RBFOX1: variants seen among roughly 807,000 people sequenced by gnomAD.
RBFOX1 encodes RNA binding fox-1 homolog 1, also known as RNA binding protein fox-1 homolog 1.
RBFOX1 carries 8 observed loss-of-function variants against 57.7 expected under a neutral mutation model. That is an observed-to-expected ratio of 0.14 (90% CI 0.08 to 0.25). The LOEUF (loss-of-function observed/expected upper bound fraction) is 0.25. Among genes scored for constraint, RBFOX1 ranks in the 10% least tolerant of loss-of-function variants. RBFOX1 has a pLI of 1.00. For missense variants in RBFOX1, 611 were observed against 548.5 expected (o/e 1.11, Z -1.14); for synonymous variants, 326 against 222.4 (o/e 1.47, Z -4.15).
At chr16:7,436,322 C>T (rs2149735135) in intron 4 of RBFOX1, among the ~76,000 whole-genome samples, 1 of 152,180 alleles carries the variant, frequency 6.6e-6, no homozygotes, top group East Asian at 1.9e-4. Flanking sequence ...CATTGTATGC[C>T]AAATTACTGT....
intron 2 of RBFOX1, among the ~76,000 whole-genome samples, chr16:5,581,876 G>C (rs1310004048): frequency 6.6e-6 from 1 of 152,198 alleles, no homozygotes; most frequent in African/African-American, 2.4e-5. Context: ...CTGAGAGGTA[G>C]GAAGTGATGC....
At chr16:6,818,478 A>G (rs563896677) in intron 3 of RBFOX1, among the ~76,000 whole-genome samples, 57 of 152,274 alleles carry the variant, frequency 3.7e-4, no homozygotes, top group African/African-American at 1.0e-3. Flanking sequence ...TTTATGAGTG[A>G]GTAAATGCCA....
At chr16:5,546,977 T>C (rs1236194943) in intron 2 of RBFOX1, among the ~76,000 whole-genome samples, 6 of 152,172 alleles carry the variant, frequency 3.9e-5, no homozygotes, top group African/African-American at 1.4e-4. Flanking sequence ...TAGATATACA[T>C]GGCAAATAAT....
intron 2 of RBFOX1, among the ~76,000 whole-genome samples, chr16:5,598,023 G>A (rs2047243567): frequency 6.6e-6 from 1 of 152,148 alleles, no homozygotes; most frequent in African/African-American, 2.4e-5. Context: ...GTGGCTGGGT[G>A]TGGTGGCTCA....
chr16:7,040,550 C>T lies in RBFOX1; in HGVS notation c.-15-11507C>T, dbSNP rs567107723. Among the ~76,000 whole-genome samples the T allele has an allele frequency of 6.4e-4, 96 of 150,912 alleles. No individual in the cohort carries two copies. The South Asian group carries it at 0.019, about 29-fold the overall frequency. ...CCAAGATTAAAAATGAGAAAACCTGCTTCTCTGTCCCTTCTTCTCCACTAT... is the reference window on the plus strand; with the variant it reads ...CCAAGATTAAAAATGAGAAAACCTGTTTCTCTGTCCCTTCTTCTCCACTAT... On this transcript the variant is annotated intron_variant, in intron 3 of 15. Coordinates refer to ENST00000550418, the MANE Select transcript of RBFOX1 (RefSeq NM_018723.4).
At chr16:6,383,809 G>C (rs1178888070) in intron 2 of RBFOX1, among the ~76,000 whole-genome samples, 1 of 151,876 alleles carries the variant, frequency 6.6e-6, no homozygotes, top group East Asian at 1.9e-4. Flanking sequence ...CAACAAACAA[G>C]AAGAGTTCAG....
intron 2 of RBFOX1, among the ~76,000 whole-genome samples, chr16:6,491,867 A>T (rs1262911816): frequency 6.6e-6 from 1 of 152,188 alleles, no homozygotes; most frequent in African/African-American, 2.4e-5. Flanking sequence ...CATTGGTGAA[A>T]AATGAATCTG....
At chr16:7,075,835 T>C (rs541728670) in intron 4 of RBFOX1, among the ~76,000 whole-genome samples, 120 of 151,824 alleles carry the variant, frequency 7.9e-4, no homozygotes, top group Middle Eastern at 3.5e-3. Context: ...CTGCCTCAGC[T>C]TCCCAAAGTG....
intron 3 of RBFOX1, among the ~76,000 whole-genome samples, chr16:6,721,064 A>C (rs1196905316): frequency 6.6e-6 from 1 of 152,180 alleles, no homozygotes; most frequent in African/African-American, 2.4e-5. Context: ...TAAACAGTAG[A>C]ATATTGCCTC....
intron 3 of RBFOX1, among the ~76,000 whole-genome samples, chr16:6,901,269 C>T (rs1433648512): frequency 6.6e-6 from 1 of 152,200 alleles, no homozygotes; most frequent in African/African-American, 2.4e-5. Context: ...GCTTGTTCAT[C>T]TCTTCTGTCT....
At chr16:6,641,574 G>C (rs960935852) in intron 2 of RBFOX1, among the ~76,000 whole-genome samples, 13 of 151,680 alleles carry the variant, frequency 8.6e-5, no homozygotes, top group African/African-American at 3.1e-4. Flanking sequence ...GTCTCTACTA[G>C]AAATACAAAA....
intron 4 of RBFOX1, among the ~76,000 whole-genome samples, chr16:7,103,939 A>T (rs2063131733): frequency 6.6e-6 from 1 of 152,160 alleles, no homozygotes. Context: ...TCCATGGACA[A>T]TTGAAATCTT....
intron 14 of RBFOX1, among the ~76,000 whole-genome samples, chr16:7,692,981 A>G (rs1276192801): frequency 6.6e-6 from 1 of 152,178 alleles, no homozygotes; most frequent in Non-Finnish European, 1.5e-5. Flanking sequence ...CATTTTAAAA[A>G]GTAATCTCTT....
chr16:6,352,680 G>T (rs1335255644), intron 2 of RBFOX1, among the ~76,000 whole-genome samples: 19 of 152,118 alleles, frequency 1.2e-4, no homozygotes, highest in Admixed American at 1.2e-3. Context: ...GCTCAAAAAG[G>T]ATATCCTGCG....
intron 2 of RBFOX1, among the ~76,000 whole-genome samples, chr16:5,579,177 CT>C (rs1939767733): frequency 6.6e-6 from 1 of 152,060 alleles, no homozygotes; most frequent in Non-Finnish European, 1.5e-5. Flanking sequence ...TTGGTCAAGA[CT>C]GGACCTGCTA....
chr16:7,677,132 T>TACACACACACACAC (rs59379802), intron 14 of RBFOX1, among the ~76,000 whole-genome samples: 1,486 of 137,924 alleles, frequency 0.011, 37 homozygotes, highest in African/African-American at 0.013. Context: ...CACATACACA[T>TACACACACACACAC]ACACACACAC....
At chr16:7,441,537 T>G (rs188028829) in intron 4 of RBFOX1, among the ~76,000 whole-genome samples, 208 of 152,040 alleles carry the variant, frequency 1.4e-3, no homozygotes, top group African/African-American at 4.7e-3. Flanking sequence ...TAATATCTTT[T>G]TCACGTCAGG....
intron 4 of RBFOX1, among the ~76,000 whole-genome samples, chr16:7,141,887 T>C (rs903773422): frequency 3.9e-5 from 6 of 152,314 alleles, no homozygotes; most frequent in Non-Finnish European, 2.9e-5. Context: ...GCAGCCATAG[T>C]GACCTTGGAA....
intron 4 of RBFOX1, among the ~76,000 whole-genome samples, chr16:7,378,803 C>A (rs941367785): frequency 6.6e-6 from 1 of 152,158 alleles, no homozygotes; most frequent in African/African-American, 2.4e-5. Flanking sequence ...GCAAAGTCAG[C>A]CTGGCTCCTT....
Sources: gnomAD v4.1 joint callset for allele counts (sites outside exome capture counted in the v4.1 genomes callset) on GRCh38, gnomAD v4.1.1 for gene constraint, MANE v1.5 for transcripts, NCBI Gene and HGNC (gene_info 2026-07-23, HGNC 2026-07-21) for gene names.